The following TXN variants were observed in gnomAD, a reference collection of about 807,000 sequenced individuals.
The protein encoded by TXN is thioredoxin.
In TXN, 10 loss-of-function variants were observed where a neutral mutation model predicts 16.5. The observed-to-expected ratio is 0.61, with a 90% CI of 0.37 to 1.03. The LOEUF (loss-of-function observed/expected upper bound fraction) is 1.03, where lower values mean the gene tolerates loss of function less well. Among genes scored for constraint, TXN ranks in the 50% least tolerant of loss-of-function variants. TXN has a pLI of 0.01. For synonymous variants in TXN, 35 were observed against 39.4 expected (o/e 0.89, Z 0.42); for missense variants, 71 against 122.5 (o/e 0.58, Z 1.98).
At position 110,253,130 on chromosome 9, in the gene TXN, C is replaced by A. The variant is rs112625503; in HGVS notation, c.25-1668G>T. On this transcript the variant is annotated intron_variant, in intron 1 of 4. Coordinates refer to ENST00000374517, the MANE Select transcript of TXN (RefSeq NM_003329.4). ...AGAAAGAAATCAAATAAATAAAAAA[C>A]CATAAGATAAAAAACCAAATAAACA... Among the ~76,000 whole-genome samples, 209 of 134,188 alleles carry A rather than the reference C, an allele frequency of 1.6e-3. 2 individuals are homozygous for A. Among genetic ancestry groups the A allele is most frequent in the African/African-American group, 5.6e-3 (202 of 36,264 alleles). The allele number at this position is 134,188 out of a possible 152,430, so 88.0% of individuals were successfully genotyped here.
intron 3 of TXN, among the ~76,000 whole-genome samples, chr9:110,248,808 G>A (rs1205118134): frequency 2.0e-5 from 3 of 152,066 alleles, no homozygotes; most frequent in Admixed American, 1.3e-4. Context: ...CATGGCATCT[G>A]GCACCTATTA....
At chr9:110,252,223 C>CAAAAAAAAAAA (rs377246017) in intron 1 of TXN, among the ~76,000 whole-genome samples, 26 of 58,386 alleles carry the variant, frequency 4.5e-4, no homozygotes, top group African/African-American at 1.8e-3. Context: ...GACTCTGTCG[C>CAAAAAAAAAAA]AAAAAAAAAA....
intron 3 of TXN, 182 bp from the exon 4 acceptor site, chr9:110,245,025 G>A (rs1022733995): frequency 2.6e-5 from 11 of 427,622 alleles, no homozygotes; most frequent in African/African-American, 2.2e-4. Flanking sequence ...AAGCCAAACC[G>A]GTTATATTCT....
chr9:110,252,785 C>T (rs1361566429), intron 1 of TXN, among the ~76,000 whole-genome samples: 1 of 152,102 alleles, frequency 6.6e-6, no homozygotes, highest in East Asian at 1.9e-4. Flanking sequence ...GCTGGGATTA[C>T]AAGCCTCTGC....
chr9:110,255,422 G>A (rs2118585392), intron 1 of TXN, among the ~76,000 whole-genome samples: 1 of 152,354 alleles, frequency 6.6e-6, no homozygotes, highest in South Asian at 2.1e-4. Context: ...TTTCAAACAT[G>A]GGAAGGCTGT....
intron 1 of TXN, among the ~76,000 whole-genome samples, chr9:110,253,780 A>G (rs553730622): frequency 5.3e-5 from 8 of 152,224 alleles, no homozygotes; most frequent in African/African-American, 9.6e-5. Context: ...CTAAACGGGT[A>G]TCAGCTTGAA....
rs1837611761 is a variant in TXN, at chr9:110,243,950, A to G, written c.*207T>C. Reference sequence around the variant, plus strand: ...ACAAGGTTACTAAAAAGTGATTGAGAATATAGGAAAATACATTAAATGACC... The same window carrying G: ...ACAAGGTTACTAAAAAGTGATTGAGGATATAGGAAAATACATTAAATGACC... On this transcript the variant is annotated 3_prime_UTR_variant, in exon 5 of 5. Coordinates refer to ENST00000374517, the MANE Select transcript of TXN (RefSeq NM_003329.4). 4 of 291,024 alleles carry G rather than the reference A, an allele frequency of 1.4e-5. No individual in the cohort carries two copies. In the East Asian group the frequency reaches 2.5e-4, roughly 18 times the overall value. 18.0% of individuals were successfully genotyped at this position (291,024 alleles called of 1,614,324 possible).
intron 3 of TXN, among the ~76,000 whole-genome samples, chr9:110,246,328 G>C (rs1006984180): frequency 1.3e-5 from 2 of 152,132 alleles, no homozygotes; most frequent in Admixed American, 1.3e-4. Context: ...TTTTTCTACA[G>C]CTCAAAGGTA....
intron 3 of TXN, among the ~76,000 whole-genome samples, chr9:110,249,393 T>C (rs1837699568): frequency 6.6e-6 from 1 of 151,980 alleles, no homozygotes; most frequent in Admixed American, 6.6e-5. Context: ...TCCACACCTA[T>C]ACTACATGCA....
intron 3 of TXN, among the ~76,000 whole-genome samples, chr9:110,249,881 C>G (rs922036993): frequency 1.3e-5 from 2 of 152,228 alleles, no homozygotes; most frequent in Admixed American, 6.5e-5. Context: ...TGAGCCAGGA[C>G]TGGAAGCCAG....
At chr9:110,245,648 A>T (rs1168540959) in intron 3 of TXN, among the ~76,000 whole-genome samples, 1,375 of 23,194 alleles carry the variant, frequency 0.059, 75 homozygotes, top group Non-Finnish European at 0.071. Context: ...ATATATATAT[A>T]TATATATTTT....
chr9:110,249,302 C>CT (rs1159464479), intron 3 of TXN, among the ~76,000 whole-genome samples: 7 of 112,404 alleles, frequency 6.2e-5, no homozygotes, highest in Non-Finnish European at 1.1e-4. Flanking sequence ...CAATTACACT[C>CT]TTTTTAAAAA....
chr9:110,251,373 G>A lies in TXN; in HGVS notation c.114C>T (p.Ile38=), dbSNP rs764062295. ...TAATACTCACATGAAAGAAAGGCTT[G>A]ATCATTTTGCAAGGCCCACACCACG... ...SATWCGPCKM[I]KPFFHSLSEK... Residue 38 remains isoleucine (I), a synonymous_variant, in exon 2 of 5, where the codon ATC becomes ATT. Transcript: ENST00000374517. 6.2e-7 allele frequency: 1 copy of A among 1,610,628 alleles called. No individual in the cohort carries two copies. Among genetic ancestry groups the A allele is most frequent in the Admixed American group, 1.7e-5 (1 of 59,986 alleles).
intron 3 of TXN, among the ~76,000 whole-genome samples, chr9:110,248,611 T>C (rs544064069): frequency 6.6e-6 from 1 of 152,204 alleles, no homozygotes; most frequent in Non-Finnish European, 1.5e-5. Flanking sequence ...AAGTGATGCA[T>C]GACTGTACTT....
At chr9:110,245,618 C>CTATATATATATATATA (rs1170640168) in intron 3 of TXN, among the ~76,000 whole-genome samples, 17 of 30,882 alleles carry the variant, frequency 5.5e-4, no homozygotes, top group Admixed American at 7.3e-4. Flanking sequence ...CACACACACA[C>CTATATATATATATATA]TATATATATA....
chr9:110,249,125 CAAAAAAAAAAAAAAAAAAAAAA>C (rs71302631), intron 3 of TXN, among the ~76,000 whole-genome samples: 2 of 53,818 alleles, frequency 3.7e-5, no homozygotes, highest in South Asian at 9.6e-4. Flanking sequence ...AACTCCATCT[CAAAAAAAAAAAAAAAAAAAAAA>C]AAAAAAAAAA....
chr9:110,253,233 C>T (rs753083257), intron 1 of TXN, among the ~76,000 whole-genome samples: 1 of 152,110 alleles, frequency 6.6e-6, no homozygotes, highest in South Asian at 2.1e-4. Context: ...ATTTCTACCT[C>T]GTTTTTGGGA....
chr9:110,246,341 TG>T (rs1179775499), intron 3 of TXN, among the ~76,000 whole-genome samples: 1 of 152,122 alleles, frequency 6.6e-6, no homozygotes, highest in Non-Finnish European at 1.5e-5. Flanking sequence ...CAAAGGTAAT[TG>T]AAGTAACACA....
chr9:110,254,396 C>T (rs975122526), intron 1 of TXN, among the ~76,000 whole-genome samples: 1 of 152,170 alleles, frequency 6.6e-6, no homozygotes, highest in African/African-American at 2.4e-5. Context: ...GCAGCGCATG[C>T]CTGTAATCCC....
Sources: allele counts gnomAD v4.1 joint callset (sites outside exome capture counted in the v4.1 genomes callset), GRCh38; gene constraint gnomAD v4.1.1; transcripts MANE v1.5; gene names NCBI Gene and HGNC (gene_info 2026-07-23, HGNC 2026-07-21).